Variants in RNF180 observed in about 807,000 individuals in gnomAD.
RNF180 encodes the protein E3 ubiquitin-protein ligase RNF180.
In RNF180, 38 loss-of-function variants were observed where a neutral mutation model predicts 59.2. The observed-to-expected ratio is 0.64, with a 90% CI of 0.50 to 0.84. The LOEUF (loss-of-function observed/expected upper bound fraction) is 0.84. Ranked by LOEUF, RNF180 falls within the 40% of genes least tolerant of loss-of-function variation. RNF180 has a pLI of 0.00. For synonymous variants in RNF180, 262 were observed against 240.3 expected, an observed-to-expected ratio of 1.09 and a Z score of -0.84; for missense variants, 705 against 700.9, an observed-to-expected ratio of 1.01 and a Z score of -0.07.
At chr5:64,175,625 T>C (rs976266502) in intron 1 of RNF180, among the ~76,000 whole-genome samples, 5 of 152,218 alleles carry the variant, frequency 3.3e-5, no homozygotes, top group African/African-American at 1.2e-4. Context: ...GTATGAATTT[T>C]AGGATTTTTT....
Position 64,213,642 on chromosome 5 carries a change from TC to T in RNF180, c.318del (p.Cys107ValfsTer24). On this transcript the variant is annotated frameshift_variant, in exon 4 of 8. Coordinates refer to ENST00000389100, the MANE Select transcript of RNF180 (RefSeq NM_001113561.2). LOFTEE classifies it high-confidence loss of function. ...GFNFVSTPKC[S>X]CGQLAAVHLS... Reference sequence around the variant, plus strand: ...TAATTTTGTCAGCACTCCAAAATGTTCCTGTGGCCAGCTTGCAGCTGTACAT... The same window carrying T: ...TAATTTTGTCAGCACTCCAAAATGTTCTGTGGCCAGCTTGCAGCTGTACAT... The T allele has an allele frequency of 6.2e-7, 1 of 1,614,190 alleles. No individual in the cohort carries two copies. The highest frequency in any genetic ancestry group is 8.5e-7 in the Non-Finnish European group (1 of 1,180,000).
chr5:64,326,349 T>C (rs151144712), intron 6 of RNF180, among the ~76,000 whole-genome samples: 158 of 152,244 alleles, frequency 1.0e-3, no homozygotes, highest in African/African-American at 3.7e-3. Context: ...TTTAACTAAA[T>C]CTTATTTAAT....
intron 5 of RNF180, among the ~76,000 whole-genome samples, chr5:64,289,096 A>G (rs1384161792): frequency 6.6e-6 from 1 of 152,212 alleles, no homozygotes; most frequent in Non-Finnish European, 1.5e-5. Flanking sequence ...AATTTTTAAC[A>G]TAAAGGGATG....
At chr5:64,195,510 T>G (rs1194878580) in intron 1 of RNF180, among the ~76,000 whole-genome samples, 3 of 152,202 alleles carry the variant, frequency 2.0e-5, no homozygotes, top group African/African-American at 7.2e-5. Flanking sequence ...CAGTAAGTCC[T>G]CACTTAATGT....
At chr5:64,330,739 A>G (rs1744868384) in intron 7 of RNF180, among the ~76,000 whole-genome samples, 1 of 152,254 alleles carries the variant, frequency 6.6e-6, no homozygotes. Flanking sequence ...CATCTGGAAC[A>G]GCTGCTACTA....
At chr5:64,271,952 A>G (rs1741434151) in intron 5 of RNF180, among the ~76,000 whole-genome samples, 1 of 152,116 alleles carries the variant, frequency 6.6e-6, no homozygotes. Flanking sequence ...CAAAGAAGAA[A>G]ATCAGAATGC....
chr5:64,318,183 A>C (rs1257516898), intron 5 of RNF180, among the ~76,000 whole-genome samples: 1 of 152,222 alleles, frequency 6.6e-6, no homozygotes, highest in Non-Finnish European at 1.5e-5. Flanking sequence ...CTTAAAAATT[A>C]GTCACAGTAA....
At chr5:64,175,202 G>A (rs1005504537) in intron 1 of RNF180, among the ~76,000 whole-genome samples, 1 of 151,794 alleles carries the variant, frequency 6.6e-6, no homozygotes, top group Non-Finnish European at 1.5e-5. Flanking sequence ...CCCAACTTCG[G>A]GTGATATGCC....
rs1419101641 is a variant in RNF180 at position 64,369,722 on chromosome 5, A to G, written c.1687A>G (p.Met563Val). ...EDDSRGWWFD[M>V]DMVIIYIYSV... ...TGATAGCCGTGGATGGTGGTTTGAC[A>G]TGGATATGGTGATCATATATATTTA... The change falls in exon 8 of 8, where the codon ATG becomes GTG. Residue 563 changes from methionine (M) to valine (V), a missense_variant. Coordinates refer to ENST00000389100, the MANE Select transcript of RNF180 (RefSeq NM_001113561.2). 1.3e-6 allele frequency: 2 copies of G among 1,548,178 alleles called. No homozygotes were observed. Among genetic ancestry groups the G allele is most frequent in the South Asian group, 2.4e-5 (2 of 83,784 alleles).
intron 5 of RNF180, among the ~76,000 whole-genome samples, chr5:64,232,968 A>G (rs980002706): frequency 1.3e-5 from 2 of 152,206 alleles, no homozygotes; most frequent in Non-Finnish European, 1.5e-5. Flanking sequence ...CTCTTAACCA[A>G]TATGCTCCAT....
intron 5 of RNF180, among the ~76,000 whole-genome samples, chr5:64,224,062 G>GGTGTGTGTGTGTGT (rs10694125): frequency 1.3e-4 from 18 of 141,462 alleles, no homozygotes; most frequent in Non-Finnish European, 2.3e-4. Context: ...TCTAGGTTGG[G>GGTGTGTGTGTGTGT]GTGTGTGTGT....
chr5:64,244,068 G>C (rs942970205), intron 5 of RNF180, among the ~76,000 whole-genome samples: 2 of 152,100 alleles, frequency 1.3e-5, no homozygotes, highest in Non-Finnish European at 2.9e-5. Context: ...GGACGTTCAC[G>C]TAGAAACCCC....
Position 64,369,765 on chromosome 5 carries a change from T to C in RNF180, c.1730T>C (p.Ile577Thr), listed in dbSNP as rs1439791813. The C allele has an allele frequency of 4.6e-6, 7 of 1,529,836 alleles. No homozygotes were observed. The highest frequency in any genetic ancestry group is 6.1e-6 in the Non-Finnish European group (7 of 1,139,540). The allele number at this position is 1,529,836 out of a possible 1,614,324, so 94.8% of individuals were successfully genotyped here. The stretch of plus-strand genomic sequence containing the variant: ...TATATTTATTCAGTGAACTGGGTCA[T>C]TGGATTCATTGTTTTCTGCTTTCTT... ...IIYIYSVNWV[I>T]GFIVFCFLCY... Residue 577 changes from isoleucine (I) to threonine (T), a missense_variant, in exon 8 of 8, where the codon ATT (isoleucine) becomes ACT (threonine). Ile to Thr is a moderately conservative substitution (Grantham distance 89, BLOSUM62 -1). Coordinates refer to ENST00000389100, the MANE Select transcript of RNF180 (RefSeq NM_001113561.2).
intron 5 of RNF180, among the ~76,000 whole-genome samples, chr5:64,251,348 A>G (rs1743561878): frequency 6.6e-6 from 1 of 152,212 alleles, no homozygotes; most frequent in Non-Finnish European, 1.5e-5. Context: ...AGCCATAGCA[A>G]TTAGGCAAGA....
chr5:64,245,050 G>T (rs1004661732), intron 5 of RNF180, among the ~76,000 whole-genome samples: 14 of 152,220 alleles, frequency 9.2e-5, no homozygotes, highest in African/African-American at 3.4e-4. Context: ...GAGAGATTTT[G>T]TCACCACCAG....
At chr5:64,213,378 T>G (rs773519073) in intron 3 of RNF180, among the ~76,000 whole-genome samples, 180 bp from the exon 4 acceptor site, 1 of 152,208 alleles carries the variant, frequency 6.6e-6, no homozygotes, top group Non-Finnish European at 1.5e-5. Context: ...TGGCGCTGCT[T>G]ATCTTTATTT....
chr5:64,347,870 G>A (rs1745615817), intron 7 of RNF180, among the ~76,000 whole-genome samples: 1 of 152,072 alleles, frequency 6.6e-6, no homozygotes, highest in Admixed American at 6.6e-5. Flanking sequence ...AACTATGCTG[G>A]CAATGAAGTG....
chr5:64,240,707 G>T (rs974011795), intron 5 of RNF180, among the ~76,000 whole-genome samples: 1 of 152,064 alleles, frequency 6.6e-6, no homozygotes. Context: ...CATCTTCCTA[G>T]CATACCAAAC....
At chr5:64,297,475 G>T (rs1168178030) in intron 5 of RNF180, among the ~76,000 whole-genome samples, 1 of 151,712 alleles carries the variant, frequency 6.6e-6, no homozygotes, top group Non-Finnish European at 1.5e-5. Flanking sequence ...TTGGTATTTT[G>T]TTGATTTTTA....
Sources: allele counts gnomAD v4.1 joint callset (sites outside exome capture counted in the v4.1 genomes callset), GRCh38; gene constraint gnomAD v4.1.1; transcripts MANE v1.5; gene names NCBI Gene and HGNC (gene_info 2026-07-23, HGNC 2026-07-21).